CSNK2A2: variants seen among roughly 807,000 people sequenced by gnomAD.
CSNK2A2 encodes the protein casein kinase 2 alpha 2.
A neutral mutation model predicts 54.0 loss-of-function variants in CSNK2A2; 8 were observed. That is an observed-to-expected ratio of 0.15 (90% CI 0.09 to 0.27). CSNK2A2 has a LOEUF of 0.27. Ranked by LOEUF, CSNK2A2 falls within the 10% of genes least tolerant of loss-of-function variation. The pLI is 1.00. For synonymous variants in CSNK2A2, 141 were observed against 153.9 expected, an observed-to-expected ratio of 0.92 and a Z score of 0.62; for missense variants, 242 against 439.4, an observed-to-expected ratio of 0.55 and a Z score of 4.02.
chr16:58,185,246 A>G (rs1191697798), intron 3 of CSNK2A2, among the ~76,000 whole-genome samples: 1 of 152,198 alleles, frequency 6.6e-6, no homozygotes. Context: ...CTCTGCGAGG[A>G]CAACTCAGAG....
At chr16:58,176,137 T>C (rs897973726) in intron 4 of CSNK2A2, among the ~76,000 whole-genome samples, 2 of 152,206 alleles carry the variant, frequency 1.3e-5, no homozygotes, top group South Asian at 2.1e-4. Context: ...TCACAGAGAC[T>C]AGGCTAAATT....
intron 2 of CSNK2A2, among the ~76,000 whole-genome samples, chr16:58,189,519 T>C (rs1174668105): frequency 1.3e-5 from 2 of 152,200 alleles, no homozygotes; most frequent in Non-Finnish European, 2.9e-5. Context: ...AAGTCTTGCA[T>C]TGGTCTCCGG....
chr16:58,188,233 G>A (rs1050068428), intron 2 of CSNK2A2, among the ~76,000 whole-genome samples: 1 of 152,198 alleles, frequency 6.6e-6, no homozygotes, highest in African/African-American at 2.4e-5. Flanking sequence ...GTCCTTGTGA[G>A]CCAGCTGCCA....
intron 4 of CSNK2A2, among the ~76,000 whole-genome samples, chr16:58,176,083 T>C (rs1471607032): frequency 1.3e-5 from 2 of 152,222 alleles, no homozygotes; most frequent in Admixed American, 6.5e-5. Flanking sequence ...ATGCCATCTC[T>C]TGGGTGTCAA....
At chr16:58,171,502 G>A (rs544764910) in intron 5 of CSNK2A2, among the ~76,000 whole-genome samples, 9 of 152,022 alleles carry the variant, frequency 5.9e-5, no homozygotes, top group African/African-American at 2.2e-4. Context: ...CAGCCTGGGC[G>A]ACAGATAAAA....
chr16:58,186,305 G>A (rs1487848894), intron 3 of CSNK2A2, among the ~76,000 whole-genome samples: 1 of 152,232 alleles, frequency 6.6e-6, no homozygotes, highest in Non-Finnish European at 1.5e-5. Context: ...TTCTTCACAG[G>A]GTCAGTGGAG....
intron 4 of CSNK2A2, among the ~76,000 whole-genome samples, chr16:58,179,219 G>A (rs1045093427): frequency 2.0e-5 from 3 of 152,140 alleles, no homozygotes; most frequent in African/African-American, 2.4e-5. Flanking sequence ...GAAAGGAGAG[G>A]CTGAGCATGG....
chr16:58,168,498 G>A (rs1597110979), intron 6 of CSNK2A2, 112 bp downstream of exon 6: 2 of 748,528 alleles, frequency 2.7e-6, no homozygotes, highest in Admixed American at 2.6e-5. Context: ...AGTAACGAAA[G>A]TTTGCCAAAA....
At chr16:58,191,772 C>G (rs1962327320) in intron 2 of CSNK2A2, among the ~76,000 whole-genome samples, 1 of 152,198 alleles carries the variant, frequency 6.6e-6, no homozygotes, top group Non-Finnish European at 1.5e-5. Flanking sequence ...GGTTCTGCCT[C>G]TAACATCACT....
Position 58,197,593 on chromosome 16 carries a change from A to G in CSNK2A2, c.104+40T>C, listed in dbSNP as rs1464481604. The G allele has an allele frequency of 2.2e-6, 3 of 1,388,858 alleles. No individual in the cohort carries two copies. The highest frequency in any genetic ancestry group is 2.5e-5 in the South Asian group (2 of 79,132). 86.0% of individuals were successfully genotyped at this position (1,388,858 alleles called of 1,614,324 possible). On this transcript the variant is annotated intron_variant, in intron 1 of 11. Coordinates refer to ENST00000262506, the MANE Select transcript of CSNK2A2 (RefSeq NM_001896.4). This position sits in a 1 kb window ranked among gnomAD's most constrained non-coding sequence, Gnocchi z 4.0. ...TCGCAGGGGGTGGCCGGGCGGGGGC[A>G]GGGATCAGCGGGCCCGGCGGGGGGC...
At chr16:58,188,762 G>A (rs1007791576) in intron 2 of CSNK2A2, among the ~76,000 whole-genome samples, 2 of 152,098 alleles carry the variant, frequency 1.3e-5, no homozygotes, top group Non-Finnish European at 2.9e-5. Flanking sequence ...ACGTCAGGAA[G>A]AAATACATAA....
chr16:58,164,148 C>A lies in CSNK2A2; in HGVS notation c.977-1G>T. ...TGGGACTGCTCCTTCACCACAGGGT[C>A]TGCAAGAAAGCAGGAGGAAAGTCAG... On this transcript the variant is annotated splice_acceptor_variant, in intron 10 of 11. Coordinates refer to ENST00000262506, the MANE Select transcript of CSNK2A2 (RefSeq NM_001896.4). LOFTEE classifies it high-confidence loss of function. 1 of 1,613,708 alleles carries A rather than the reference C, an allele frequency of 6.2e-7. No homozygotes were observed. Among genetic ancestry groups the A allele is most frequent in the Non-Finnish European group, 8.5e-7 (1 of 1,179,814 alleles).
rs1203428359 is a variant in CSNK2A2 at position 58,173,373 on chromosome 16, C to T, written c.429+1078G>A. Among the ~76,000 whole-genome samples the T allele has an allele frequency of 2.0e-5, 3 of 152,290 alleles. No individual in the cohort carries two copies. The East Asian group carries it at 5.8e-4, about 29-fold the overall frequency. On this transcript the variant is annotated intron_variant, in intron 5 of 11. Transcript: ENST00000262506. ...GAACTGTTCTTAAGATCTACAACTA[C>T]CCTAAAACTTTTCACAAGACTGCAT...
At chr16:58,180,444 G>C (rs1340087208) in intron 4 of CSNK2A2, among the ~76,000 whole-genome samples, 1 of 148,482 alleles carries the variant, frequency 6.7e-6, no homozygotes, top group Non-Finnish European at 1.5e-5. Context: ...CAATCAAATT[G>C]AAAGTGAATA....
chr16:58,163,253 C>CAAAA (rs55808367), intron 11 of CSNK2A2: 6 of 66,590 alleles, frequency 9.0e-5, no homozygotes, highest in Admixed American at 2.8e-4. Flanking sequence ...ACAAGGCTGC[C>CAAAA]AAAAAAAAAA....
Position 58,173,578 on chromosome 16 carries a change from T to C in CSNK2A2, c.429+873A>G, listed in dbSNP as rs143371458. ...CCAACCAGTAATTCTTCAAATTTCA[T>C]TGTGCTTGGGATTAGTAAGTCTCTT... is the stretch of plus-strand genomic sequence containing the variant. On this transcript the variant is annotated intron_variant, in intron 5 of 11. Coordinates refer to ENST00000262506, the MANE Select transcript of CSNK2A2 (RefSeq NM_001896.4). 2.8e-3 allele frequency among the ~76,000 whole-genome samples: 425 copies of C among 152,342 alleles called. 4 individuals are homozygous for C. The highest frequency in any genetic ancestry group is 9.4e-3 in the African/African-American group (392 of 41,580).
At chr16:58,171,775 A>G (rs1961742043) in intron 5 of CSNK2A2, among the ~76,000 whole-genome samples, 1 of 151,284 alleles carries the variant, frequency 6.6e-6, no homozygotes, top group Non-Finnish European at 1.5e-5. Flanking sequence ...GTGATTAGGG[A>G]ACTAAATTTT....
At chr16:58,183,756 T>C (rs773470460) in intron 4 of CSNK2A2, among the ~76,000 whole-genome samples, 1 of 152,192 alleles carries the variant, frequency 6.6e-6, no homozygotes, top group Non-Finnish European at 1.5e-5. Context: ...ATTTACATTA[T>C]AAGAAAATGT....
At chr16:58,182,408 A>G (rs1441406324) in intron 4 of CSNK2A2, among the ~76,000 whole-genome samples, 1 of 130,734 alleles carries the variant, frequency 7.6e-6, no homozygotes, top group African/African-American at 2.7e-5. Flanking sequence ...AAAAAAAACT[A>G]GCCAGGCGTG....
Sources: allele counts gnomAD v4.1 joint callset (sites outside exome capture counted in the v4.1 genomes callset), GRCh38; gene constraint gnomAD v4.1.1; non-coding constraint Gnocchi (gnomAD v3.1); transcripts MANE v1.5; gene names NCBI Gene and HGNC (gene_info 2026-07-23, HGNC 2026-07-21).